The following PALLD variants were observed in gnomAD, a reference collection of about 807,000 sequenced individuals.
PALLD encodes the protein palladin, cytoskeletal associated protein, also known as palladin.
A neutral mutation model predicts 123.5 loss-of-function variants in PALLD; 61 were observed. The ratio of observed to expected loss-of-function variants is 0.49; its 90% CI spans 0.40 to 0.61. The LOEUF is 0.61. Ranked by LOEUF, PALLD falls within the 20% of genes least tolerant of loss-of-function variation. The pLI is 0.00. For synonymous variants in PALLD, 465 were observed against 496.4 expected (o/e 0.94, Z 0.84); for missense variants, 1,273 against 1,377.0 (o/e 0.92, Z 1.20).
At chr4:168,598,351 T>G (rs1039421878) in intron 2 of PALLD, 2 of 559,644 alleles carry the variant, frequency 3.6e-6, no homozygotes, top group Admixed American at 4.2e-5. Flanking sequence ...AGACTTGCCA[T>G]GGGAACTGTT....
chr4:168,550,062 A>G (rs1317641615), intron 2 of PALLD, among the ~76,000 whole-genome samples: 1 of 152,192 alleles, frequency 6.6e-6, no homozygotes. Context: ...AGCCATAGTG[A>G]ATACAACACA....
intron 10 of PALLD, among the ~76,000 whole-genome samples, chr4:168,715,000 G>A (rs1017074298): frequency 1.3e-5 from 2 of 151,970 alleles, no homozygotes; most frequent in Non-Finnish European, 2.9e-5. Context: ...CCCCCACCCT[G>A]TACTGTCCAA....
chr4:168,891,195 CTT>C, intron 11 of PALLD, 138 bp downstream of exon 11: 1 of 922,520 alleles, frequency 1.1e-6, no homozygotes, highest in Non-Finnish European at 1.7e-6. Context: ...CAGGGTCACA[CTT>C]TGTCACCCAT....
At chr4:168,803,238 A>G (rs1739624553) in intron 10 of PALLD, among the ~76,000 whole-genome samples, 1 of 152,028 alleles carries the variant, frequency 6.6e-6, no homozygotes. Flanking sequence ...GTCGTGGTGG[A>G]AGTGTGAAGG....
intron 2 of PALLD, among the ~76,000 whole-genome samples, chr4:168,624,936 T>C (rs1335627489): frequency 6.6e-6 from 1 of 152,132 alleles, no homozygotes; most frequent in Non-Finnish European, 1.5e-5. Flanking sequence ...AAGATCTACC[T>C]TTTTCTTAGC....
intron 2 of PALLD, among the ~76,000 whole-genome samples, chr4:168,654,241 A>G (rs1329309851): frequency 6.6e-6 from 1 of 152,066 alleles, no homozygotes; most frequent in Non-Finnish European, 1.5e-5. Context: ...TCCCCACCAC[A>G]CCATGTAATA....
intron 3 of PALLD, among the ~76,000 whole-genome samples, chr4:168,678,231 TG>T (rs929406170): frequency 1.3e-5 from 2 of 151,862 alleles, no homozygotes; most frequent in Admixed American, 1.3e-4. Flanking sequence ...CTTCACCTCT[TG>T]GTTCCTTGGT....
chr4:168,502,769 C>T (rs562068135), intron 1 of PALLD, among the ~76,000 whole-genome samples: 5 of 152,082 alleles, frequency 3.3e-5, no homozygotes, highest in East Asian at 1.9e-4. Flanking sequence ...CCAGGCCTGA[C>T]GATGCACACG....
At chr4:168,723,401 G>C (rs555683563) in intron 10 of PALLD, among the ~76,000 whole-genome samples, 2 of 152,296 alleles carry the variant, frequency 1.3e-5, no homozygotes, top group African/African-American at 4.8e-5. Flanking sequence ...TACTGAGGAG[G>C]CTGGAGACAT....
chr4:168,903,483 T>C (rs28673844), intron 14 of PALLD, among the ~76,000 whole-genome samples: 2,597 of 152,260 alleles, frequency 0.017, 61 homozygotes, highest in African/African-American at 0.043. Flanking sequence ...ATTGCCAAAA[T>C]TCAATATATC....
chr4:168,663,803 T>G (rs1051049272), intron 2 of PALLD, among the ~76,000 whole-genome samples: 1 of 152,268 alleles, frequency 6.6e-6, no homozygotes, highest in Non-Finnish European at 1.5e-5. Flanking sequence ...TGATATCAAA[T>G]GTATTTATGC....
intron 10 of PALLD, among the ~76,000 whole-genome samples, chr4:168,764,900 G>A (rs1733454349): frequency 6.6e-6 from 1 of 152,182 alleles, no homozygotes; most frequent in African/African-American, 2.4e-5. Flanking sequence ...AGAGCATGCT[G>A]AGTGAGCTTC....
At chr4:168,843,682 G>A (rs760594784) in intron 10 of PALLD, among the ~76,000 whole-genome samples, 7 of 152,082 alleles carry the variant, frequency 4.6e-5, no homozygotes, top group Admixed American at 6.6e-5. Flanking sequence ...GGTGGTGATC[G>A]CATGGGGTGT....
intron 2 of PALLD, among the ~76,000 whole-genome samples, chr4:168,582,292 G>T (rs1410528343): frequency 6.6e-6 from 1 of 152,062 alleles, no homozygotes; most frequent in Non-Finnish European, 1.5e-5. Flanking sequence ...TTAGTGTACA[G>T]AAACACAACT....
At chr4:168,661,763 T>C (rs1779158960) in intron 2 of PALLD, among the ~76,000 whole-genome samples, 1 of 152,198 alleles carries the variant, frequency 6.6e-6, no homozygotes, top group Admixed American at 6.5e-5. Context: ...TGATGAAAGA[T>C]GAAAGCCAAA....
rs33986728 is a variant in PALLD, at chr4:168,913,136, C to CTTT, written c.2623-775_2623-773dup. ...TGGTTTGGGGAAGGGATGCCACTAACTTTTTTTTTTTTTTTTTTGAGACAG... is the reference window on the plus strand; with the variant it reads ...TGGTTTGGGGAAGGGATGCCACTAACTTTTTTTTTTTTTTTTTTTTTGAGACAG... On this transcript the variant is annotated intron_variant, in intron 15 of 21. Transcript: ENST00000505667. Among the ~76,000 whole-genome samples the CTTT allele has an allele frequency of 1.7e-3, 197 of 119,018 alleles. 2 individuals carry two copies. In the East Asian group the frequency reaches 0.042, roughly 25 times the overall value. The allele number at this position is 119,018 out of a possible 152,430, so 78.1% of individuals were successfully genotyped here.
intron 2 of PALLD, among the ~76,000 whole-genome samples, chr4:168,535,457 T>C (rs1281362060): frequency 6.6e-6 from 1 of 152,216 alleles, no homozygotes. Context: ...CTACCAGAAG[T>C]GCTGTTGATT....
At chr4:168,925,176 A>C in intron 20 of PALLD, 57 bp from the exon 21 acceptor site, 1 of 1,575,038 alleles carries the variant, frequency 6.3e-7, no homozygotes, top group Non-Finnish European at 8.7e-7. Context: ...ATAAACAACT[A>C]TTGTGTTTTA....
chr4:168,557,737 A>C (rs1341343019), intron 2 of PALLD, among the ~76,000 whole-genome samples: 1 of 152,158 alleles, frequency 6.6e-6, no homozygotes, highest in Non-Finnish European at 1.5e-5. Flanking sequence ...AAGAAGGCCT[A>C]ATCCCATGTA....
Sources: allele counts gnomAD v4.1 joint callset (sites outside exome capture counted in the v4.1 genomes callset), GRCh38; gene constraint gnomAD v4.1.1; transcripts MANE v1.5; gene names NCBI Gene and HGNC (gene_info 2026-07-23, HGNC 2026-07-21).